PARP16: variants seen among roughly 807,000 people sequenced by gnomAD.
PARP16 encodes protein mono-ADP-ribosyltransferase PARP16.
PARP16 carries 31 observed loss-of-function variants against 35.0 expected under a neutral mutation model. That is an observed-to-expected ratio of 0.88 (90% CI 0.66 to 1.19). The LOEUF (loss-of-function observed/expected upper bound fraction) is 1.19, where lower values mean the gene tolerates loss of function less well. Among genes scored for constraint, PARP16 ranks in the 50% most tolerant of loss-of-function variants. The probability of loss-of-function intolerance (pLI) is 0.00; values close to 1 mark genes in which losing one functional copy is unlikely to be tolerated. For synonymous variants in PARP16, 162 were observed against 169.5 expected (o/e 0.96, Z 0.34); for missense variants, 424 against 411.2 (o/e 1.03, Z -0.27).
intron 3 of PARP16, among the ~76,000 whole-genome samples, chr15:65,239,424 T>TAAAAAA (rs758350761): frequency 1.3e-3 from 9 of 6,954 alleles, no homozygotes; most frequent in Non-Finnish European, 1.3e-3. Context: ...AGACTTTGCC[T>TAAAAAA]AAAAAAAAAA....
intron 1 of PARP16, among the ~76,000 whole-genome samples, chr15:65,276,273 CT>C (rs1157878058): frequency 5.3e-5 from 8 of 152,320 alleles, no homozygotes; most frequent in African/African-American, 1.9e-4. Flanking sequence ...TTAGCAGGGC[CT>C]TTTGGGAACC....
Position 65,259,561 on chromosome 15 carries a change from A to G in PARP16, c.834-19T>C, listed in dbSNP as rs1443970991. The G allele has an allele frequency of 6.2e-7, 1 of 1,611,480 alleles. No homozygotes were observed. Among genetic ancestry groups the G allele is most frequent in the Non-Finnish European group, 8.5e-7 (1 of 1,178,576 alleles). On this transcript the variant is annotated intron_variant, in intron 5 of 5. Coordinates refer to ENST00000649807, the MANE Select transcript of PARP16 (RefSeq NM_001316943.2). The stretch of plus-strand genomic sequence containing the variant: ...CGAAGCCCTGCTTAAGAGGGAAAAA[A>G]GAGTGGTGTTGGCAAAAAGAGAAAA...
In PARP16 at chr15:65,271,108, C is replaced by T. The variant is rs754350007; in HGVS notation, c.175-36G>A. The T allele has an allele frequency of 3.1e-6, 5 of 1,612,466 alleles. No homozygotes were observed. In the South Asian group the frequency reaches 5.5e-5, roughly 18 times the overall value. The stretch of plus-strand genomic sequence containing the variant: ...GGAAGAACTTCCATTAGCAAGGATC[C>T]CGGACACAGTGATAATCAGGGGCCC... On this transcript the variant is annotated intron_variant, in intron 1 of 5. Transcript: ENST00000649807.
Position 65,266,668 on chromosome 15 carries a change from A to G in PARP16, c.413T>C (p.Phe138Ser), listed in dbSNP as rs778524941. The change falls in exon 3 of 6, where the codon TTT becomes TCT. Residue 138 changes from phenylalanine (F) to serine (S), a missense_variant. Coordinates refer to ENST00000649807, the MANE Select transcript of PARP16 (RefSeq NM_001316943.2). Reference sequence around the variant, plus strand: ...GTCTCGTTCTCCTTTGGTCTCATAAAATTTGGCGTTGGCTGGGTCAAAGTA... The same window carrying G: ...GTCTCGTTCTCCTTTGGTCTCATAAGATTTGGCGTTGGCTGGGTCAAAGTA... The part of the protein sequence containing the change: ...IEYFDPANAK[F>S]YETKGERDLI... 58 of 1,614,104 alleles carry G rather than the reference A, an allele frequency of 3.6e-5. 1 individual carries two copies. In the Middle Eastern group the frequency reaches 1.2e-3, roughly 32 times the overall value.
chr15:65,282,420 G>C (rs2090446497), intron 1 of PARP16: 1 of 152,184 alleles, frequency 6.6e-6, no homozygotes, highest in African/African-American at 2.4e-5. Flanking sequence ...CTTTGATTCA[G>C]ATACAGATCC....
rs746151769 is a variant in PARP16 at position 65,270,986 on chromosome 15, G to C, written c.261C>G (p.Ser87Arg). The C allele has an allele frequency of 1.2e-6, 2 of 1,614,094 alleles. No individual in the cohort carries two copies. Among genetic ancestry groups the C allele is most frequent in the Non-Finnish European group, 1.7e-6 (2 of 1,179,960 alleles). ...TCAGGACCTTTGAGGATAAAATCCAGCTCACCAGGTCCCAGGCCCGTTTGT... is the reference window on the plus strand; with the variant it reads ...TCAGGACCTTTGAGGATAAAATCCACCTCACCAGGTCCCAGGCCCGTTTGT... ...DNHKRAWDLV[S>R]WILSSKVLTI... is the part of the protein sequence containing the mutation. Residue 87 changes from serine to arginine, a missense_variant, in exon 2 of 6, where the codon AGC becomes AGG. Physicochemically the swap from Ser to Arg is moderately radical, Grantham distance 110 (BLOSUM62 -1). Transcript: ENST00000649807.
intron 1 of PARP16, among the ~76,000 whole-genome samples, chr15:65,275,436 T>C (rs1023380825): frequency 8.5e-5 from 13 of 152,222 alleles, no homozygotes; most frequent in Admixed American, 7.2e-4. Flanking sequence ...AAATACATAA[T>C]TGGGATAATA....
intron 2 of PARP16, among the ~76,000 whole-genome samples, chr15:65,252,621 T>C (rs1161460372): frequency 6.6e-6 from 1 of 152,184 alleles, no homozygotes; most frequent in African/African-American, 2.4e-5. Context: ...CAAATGGGGT[T>C]AGAGCAAAGT....
chr15:65,268,684 T>C (rs2089984554), intron 2 of PARP16, among the ~76,000 whole-genome samples: 1 of 151,820 alleles, frequency 6.6e-6, no homozygotes. Flanking sequence ...CCTCAAGCAA[T>C]CCTCCCACCT....
At chr15:65,270,171 G>T (rs1265511486) in intron 2 of PARP16, among the ~76,000 whole-genome samples, 2 of 152,194 alleles carry the variant, frequency 1.3e-5, no homozygotes, top group Non-Finnish European at 2.9e-5. Flanking sequence ...TATGGGTAAA[G>T]GAAGAGCACC....
intron 3 of PARP16, among the ~76,000 whole-genome samples, chr15:65,237,763 T>A (rs1424691879): frequency 6.6e-6 from 1 of 152,162 alleles, no homozygotes; most frequent in Admixed American, 6.5e-5. Flanking sequence ...AGAGAATAAA[T>A]CTCTGGTTGT....
rs1233896826 is a variant in PARP16 at position 65,273,276 on chromosome 15, C to CAAAAAAAAAAAAAAAAAAAAA, written c.175-2205_175-2204insTTTTTTTTTTTTTTTTTTTTT. Reference sequence around the variant, plus strand: ...CTGGTGACAGAGAGAGACTCTGTCTCAAAAAAAAAAAAAAAAAAGAATACC... The same window carrying CAAAAAAAAAAAAAAAAAAAAA: ...CTGGTGACAGAGAGAGACTCTGTCTCAAAAAAAAAAAAAAAAAAAAAAAAAAAAAAAAAAAAAAAGAATACC... On this transcript the variant is annotated intron_variant, in intron 1 of 5. Coordinates refer to ENST00000649807, the MANE Select transcript of PARP16 (RefSeq NM_001316943.2). Among the ~76,000 whole-genome samples the CAAAAAAAAAAAAAAAAAAAAA allele has an allele frequency of 1.1e-3, 62 of 57,478 alleles. 2 individuals are homozygous for CAAAAAAAAAAAAAAAAAAAAA. Among genetic ancestry groups the CAAAAAAAAAAAAAAAAAAAAA allele is most frequent in the Admixed American group, 2.3e-3 (8 of 3,414 alleles). The allele number at this position is 57,478 out of a possible 152,430, so 37.7% of individuals were successfully genotyped here. A position where few individuals can be genotyped will look rare whatever the true frequency, so the allele number is the denominator to read the frequency against.
At chr15:65,242,727 T>G (rs1484615917) in intron 3 of PARP16, among the ~76,000 whole-genome samples, 1 of 152,188 alleles carries the variant, frequency 6.6e-6, no homozygotes, top group Non-Finnish European at 1.5e-5. Context: ...TATTTATTTA[T>G]TTTTTGAGAT....
At chr15:65,281,645 C>A (rs893965871) in intron 1 of PARP16, among the ~76,000 whole-genome samples, 1 of 150,642 alleles carries the variant, frequency 6.6e-6, no homozygotes, top group African/African-American at 2.4e-5. Context: ...GAGCCGAGAC[C>A]GCGCCATTGC....
intron 1 of PARP16, chr15:65,282,442 T>A (rs2090447514): frequency 6.6e-6 from 1 of 152,216 alleles, no homozygotes; most frequent in African/African-American, 2.4e-5. Flanking sequence ...GATGCCCAGT[T>A]CTCTGCATCA....
At chr15:65,271,481 G>C (rs550011438) in intron 1 of PARP16, among the ~76,000 whole-genome samples, 1 of 152,006 alleles carries the variant, frequency 6.6e-6, no homozygotes, top group Non-Finnish European at 1.5e-5. Context: ...CACCATGTTG[G>C]CCAGCCTGGT....
At chr15:65,271,124 T>G in intron 1 of PARP16, 52 bp from the exon 2 acceptor site, 4 of 1,595,744 alleles carry the variant, frequency 2.5e-6, no homozygotes, top group Non-Finnish European at 3.4e-6. Context: ...ACAGTGATAA[T>G]CAGGGGCCCT....
chr15:65,265,180 C>T (rs2089849778), intron 3 of PARP16, among the ~76,000 whole-genome samples: 1 of 152,246 alleles, frequency 6.6e-6, no homozygotes, highest in Admixed American at 6.5e-5. Flanking sequence ...GCCAGCTCCT[C>T]ACAGACAAGG....
chr15:65,267,818 T>A (rs1246154810), intron 2 of PARP16, among the ~76,000 whole-genome samples: 1 of 148,658 alleles, frequency 6.7e-6, no homozygotes, highest in Non-Finnish European at 1.5e-5. Flanking sequence ...GCCTCCGGAG[T>A]AGCTGGGATT....
Sources: gnomAD v4.1 joint callset for allele counts (sites outside exome capture counted in the v4.1 genomes callset) on GRCh38, gnomAD v4.1.1 for gene constraint, MANE v1.5 for transcripts, NCBI Gene and HGNC (gene_info 2026-07-23, HGNC 2026-07-21) for gene names.